The following TNS1 variants were observed in gnomAD, a reference collection of about 807,000 sequenced individuals.
TNS1 encodes tensin 1.
Under a neutral mutation model 168.6 loss-of-function variants are expected in TNS1, and 62 were observed. That is an observed-to-expected ratio of 0.37 (90% confidence interval 0.30 to 0.45). The LOEUF (loss-of-function observed/expected upper bound fraction) is 0.45, where lower values mean the gene tolerates loss of function less well. TNS1 is among the 20% of genes least tolerant of loss of function. The probability of loss-of-function intolerance (pLI) is 1.00; values close to 1 mark genes in which losing one functional copy is unlikely to be tolerated. For missense variants in TNS1, 2,240 were observed against 2,339.4 expected, an observed-to-expected ratio of 0.96 and a Z score of 0.88; for synonymous variants, 934 against 933.2, an observed-to-expected ratio of 1.00 and a Z score of -0.02.
At chr2:217,900,717 T>G in intron 6 of TNS1, 1 of 602,900 alleles carries the variant, frequency 1.7e-6, no homozygotes, top group East Asian at 3.0e-5. Flanking sequence ...TGCCTGCCTG[T>G]GTGCAAGCCC....
At chr2:217,857,030 G>A (rs1948217195) in intron 18 of TNS1, among the ~76,000 whole-genome samples, 1 of 152,096 alleles carries the variant, frequency 6.6e-6, no homozygotes, top group Non-Finnish European at 1.5e-5. Flanking sequence ...AAAAGAGGGA[G>A]GCTCAAGGTC....
At chr2:217,924,056 C>T (rs967468122) in intron 3 of TNS1, among the ~76,000 whole-genome samples, 1 of 152,194 alleles carries the variant, frequency 6.6e-6, no homozygotes, top group African/African-American at 2.4e-5. Flanking sequence ...AGGCTCTGCC[C>T]TCCTCTCCCT....
intron 3 of TNS1, among the ~76,000 whole-genome samples, chr2:217,938,793 T>C (rs1379768813): frequency 1.3e-5 from 2 of 152,210 alleles, no homozygotes; most frequent in African/African-American, 4.8e-5. Flanking sequence ...CAGAGTCCTC[T>C]GTAAACACAG....
intron 2 of TNS1, 57 bp from the exon 3 acceptor site, chr2:217,978,859 C>A (rs966464432): frequency 4.3e-6 from 3 of 701,702 alleles, no homozygotes; most frequent in Non-Finnish European, 7.8e-6. Flanking sequence ...GAAATGGAAA[C>A]TCCGCGAAAT....
chr2:217,824,542 G>C (rs1369743181), intron 22 of TNS1, among the ~76,000 whole-genome samples: 1 of 152,212 alleles, frequency 6.6e-6, no homozygotes, highest in Non-Finnish European at 1.5e-5. Context: ...GTCAGCCAAG[G>C]AACCCAGGCA....
At position 217,977,592 on chromosome 2, in the gene TNS1, G is replaced by C. The variant is rs143412585; in HGVS notation, c.186+1173C>G. On this transcript the variant is annotated intron_variant, in intron 3 of 32. Coordinates refer to ENST00000682258, the MANE Select transcript of TNS1 (RefSeq NM_001387777.1). Reference sequence around the variant, plus strand: ...CATGACATTTTTGAGCACCCACCCTGTGCCAGGCACTGGGCTGGGCACTTC... The same window carrying C: ...CATGACATTTTTGAGCACCCACCCTCTGCCAGGCACTGGGCTGGGCACTTC... Among the ~76,000 whole-genome samples, 32 of 152,350 alleles carry C rather than the reference G, an allele frequency of 2.1e-4. No homozygotes were observed. In the East Asian group the frequency reaches 6.2e-3, roughly 29 times the overall value.
rs1051457034 is a variant in TNS1 at position 217,800,445 on chromosome 2, C to T, written c.*4014G>A. 4 of 152,300 alleles carry T rather than the reference C, an allele frequency of 2.6e-5. No homozygotes were observed. Among genetic ancestry groups the T allele is most frequent in the South Asian group, 4.1e-4 (2 of 4,836 alleles). 9.4% of individuals were successfully genotyped at this position (152,300 alleles called of 1,614,324 possible). On this transcript the variant is annotated 3_prime_UTR_variant, in exon 33 of 33. Coordinates refer to ENST00000682258, the MANE Select transcript of TNS1 (RefSeq NM_001387777.1). ...GCCTACAGGCCTCACCTCCCGACTC[C>T]CCTCACTGCTGGGCGACATTGAATT...
At chr2:217,886,218 G>C in intron 13 of TNS1, 114 bp from the exon 14 acceptor site, 1 of 1,120,968 alleles carries the variant, frequency 8.9e-7, no homozygotes, top group African/African-American at 1.6e-5. Context: ...GGGAAGACGG[G>C]GTAGGAAGGG....
At chr2:217,819,559 G>C (rs768361508) in intron 23 of TNS1, among the ~76,000 whole-genome samples, 1 of 152,190 alleles carries the variant, frequency 6.6e-6, no homozygotes, top group Non-Finnish European at 1.5e-5. Flanking sequence ...GACTATACCT[G>C]GGGTAATTGC....
chr2:217,823,207 C>T lies in TNS1; in HGVS notation c.3374-1269G>A, dbSNP rs546192202. Among the ~76,000 whole-genome samples, 10 of 152,284 alleles carry T rather than the reference C, an allele frequency of 6.6e-5. No individual in the cohort carries two copies. In the South Asian group the frequency reaches 2.1e-3, roughly 32 times the overall value. On this transcript the variant is annotated intron_variant, in intron 22 of 32. Coordinates refer to ENST00000682258, the MANE Select transcript of TNS1 (RefSeq NM_001387777.1). Reference sequence around the variant, plus strand: ...TTTGTAAAGACTTAATAGTAAATATCTTAGGCTGTTGGGTCAGGCTGTCAC... The same window carrying T: ...TTTGTAAAGACTTAATAGTAAATATTTTAGGCTGTTGGGTCAGGCTGTCAC...
At chr2:217,950,461 G>A (rs1375010257) in intron 3 of TNS1, among the ~76,000 whole-genome samples, 1 of 152,076 alleles carries the variant, frequency 6.6e-6, no homozygotes, top group Non-Finnish European at 1.5e-5. Flanking sequence ...CTGGTCACTG[G>A]GGAGCGTGCT....
At chr2:217,808,704 A>G (rs1262253617) in intron 30 of TNS1, 33 bp from the exon 31 acceptor site, 3 of 1,606,930 alleles carry the variant, frequency 1.9e-6, no homozygotes, top group Middle Eastern at 1.7e-4. Flanking sequence ...ACAGAGAATG[A>G]GTGCTGAAGG....
In TNS1 at chr2:217,977,606, G is replaced by A. The variant is rs529206169; in HGVS notation, c.186+1159C>T. 1.2e-4 allele frequency among the ~76,000 whole-genome samples: 18 copies of A among 152,316 alleles called. No homozygotes were observed. The South Asian group carries it at 2.9e-3, about 25-fold the overall frequency. ...GCACCCACCCTGTGCCAGGCACTGGGCTGGGCACTTCACATACATTACCTC... is the reference window on the plus strand; with the variant it reads ...GCACCCACCCTGTGCCAGGCACTGGACTGGGCACTTCACATACATTACCTC... On this transcript the variant is annotated intron_variant, in intron 3 of 32. Transcript: ENST00000682258.
chr2:218,015,494 T>C (rs1334747176), intron 1 of TNS1, among the ~76,000 whole-genome samples: 1 of 152,194 alleles, frequency 6.6e-6, no homozygotes, highest in African/African-American at 2.4e-5. Context: ...TTCCTGTTGA[T>C]ACCTAACCTC....
At chr2:217,837,561 A>G (rs911991562) in intron 19 of TNS1, among the ~76,000 whole-genome samples, 1 of 152,242 alleles carries the variant, frequency 6.6e-6, no homozygotes, top group African/African-American at 2.4e-5. Context: ...TCAGGAGAGC[A>G]GCAGGACTGG....
intron 18 of TNS1, among the ~76,000 whole-genome samples, chr2:217,870,275 C>T (rs902005557): frequency 2.6e-5 from 4 of 152,166 alleles, no homozygotes; most frequent in Non-Finnish European, 5.9e-5. Flanking sequence ...TACCCCGTCT[C>T]CAGACAACCC....
chr2:217,932,158 A>G (rs1331659721), intron 3 of TNS1, among the ~76,000 whole-genome samples: 4 of 152,148 alleles, frequency 2.6e-5, no homozygotes, highest in African/African-American at 7.2e-5. Context: ...ATTCAGCTCC[A>G]TGAGATCGTA....
At chr2:217,806,856 T>C (rs1171751767) in intron 32 of TNS1, among the ~76,000 whole-genome samples, 2 of 152,266 alleles carry the variant, frequency 1.3e-5, no homozygotes, top group Non-Finnish European at 1.5e-5. Context: ...GTGTCAGACA[T>C]GGCCCTTCCC....
intron 15 of TNS1, 82 bp downstream of exon 15, chr2:217,885,662 T>C (rs1951123987): frequency 6.9e-7 from 1 of 1,455,182 alleles, no homozygotes; most frequent in Non-Finnish European, 9.6e-7. Flanking sequence ...ACCTGTCTTG[T>C]CCCAAGAGGC....
Sources: allele counts gnomAD v4.1 joint callset (sites outside exome capture counted in the v4.1 genomes callset), GRCh38; gene constraint gnomAD v4.1.1; transcripts MANE v1.5; gene names NCBI Gene and HGNC (gene_info 2026-07-23, HGNC 2026-07-21).